SS18L2: variants seen among roughly 807,000 people sequenced by gnomAD.
The protein encoded by SS18L2 is SS18-like protein 2.
A neutral mutation model predicts 10.3 loss-of-function variants in SS18L2; 8 were observed. The observed-to-expected ratio is 0.78, with a 90% CI of 0.46 to 1.41. SS18L2 has a LOEUF of 1.41. Ranked by LOEUF, SS18L2 falls within the 40% of genes most tolerant of loss-of-function variation. The pLI is 0.00. For missense variants in SS18L2, 100 were observed against 96.2 expected (o/e 1.04, Z -0.17); for synonymous variants, 41 against 34.6 (o/e 1.19, Z -0.65).
intron 1 of SS18L2, among the ~76,000 whole-genome samples, chr3:42,583,557 G>A (rs145760115): frequency 1.1e-3 from 161 of 152,282 alleles, no homozygotes; most frequent in South Asian, 2.3e-3. Flanking sequence ...AGGATTTTGC[G>A]ATGATTAGTT....
chr3:42,596,657 T>C lies in SS18L2; in HGVS notation c.*2148T>C, dbSNP rs1288932143. On this transcript the variant is annotated 3_prime_UTR_variant, in exon 3 of 3. Coordinates refer to ENST00000011691, the MANE Select transcript of SS18L2 (RefSeq NM_001370300.1). ...CACCTTAATCACAGACCAAATTGCATACTTTTATCTTCGAATCATCTAAAA... is the reference window on the plus strand; with the variant it reads ...CACCTTAATCACAGACCAAATTGCACACTTTTATCTTCGAATCATCTAAAA... Among the ~76,000 whole-genome samples, 2 of 152,254 alleles carry C rather than the reference T, an allele frequency of 1.3e-5. No homozygotes were observed. The highest frequency in any genetic ancestry group is 1.9e-4 in the East Asian group (1 of 5,202).
At chr3:42,593,580 G>A (rs1704932600) in intron 2 of SS18L2, among the ~76,000 whole-genome samples, 1 of 152,030 alleles carries the variant, frequency 6.6e-6, no homozygotes, top group Non-Finnish European at 1.5e-5. Context: ...GGATACCAAG[G>A]GACAATTGTA....
chr3:42,594,783 C>G lies in SS18L2; in HGVS notation c.*274C>G. 3.6e-6 allele frequency: 1 copy of G among 279,636 alleles called. No individual in the cohort carries two copies. The highest frequency in any genetic ancestry group is 6.8e-6 in the Non-Finnish European group (1 of 146,922). 17.3% of individuals were successfully genotyped at this position (279,636 alleles called of 1,614,324 possible). A position where few individuals can be genotyped will look rare whatever the true frequency, so the allele number is the denominator to read the frequency against. On this transcript the variant is annotated 3_prime_UTR_variant, in exon 3 of 3. Transcript: ENST00000011691. ...CTGAACTTGGAGCATGTTTGGATAACAAAGACATCACTGGGATGTTCAAGT... is the reference window on the plus strand; with the variant it reads ...CTGAACTTGGAGCATGTTTGGATAAGAAAGACATCACTGGGATGTTCAAGT...
At chr3:42,590,663 C>T, upstream of SS18L2, 2 of 599,086 alleles carry the variant, frequency 3.3e-6, no homozygotes, top group South Asian at 2.0e-5. Flanking sequence ...CAGCCCCAAC[C>T]CACAAGTTTC....
intron 2 of SS18L2, among the ~76,000 whole-genome samples, 183 bp downstream of exon 2, chr3:42,591,784 A>G (rs1704857417): frequency 6.6e-6 from 1 of 152,200 alleles, no homozygotes; most frequent in African/African-American, 2.4e-5. Context: ...TACACTGCGG[A>G]GCCTGGAGTC....
intron 2 of SS18L2, 108 bp from the exon 3 acceptor site, chr3:42,594,314 C>T: frequency 1.3e-6 from 1 of 755,060 alleles, no homozygotes; most frequent in Non-Finnish European, 2.3e-6. Flanking sequence ...CTGAATCATC[C>T]AGTCAGTGGA....
intron 1 of SS18L2, among the ~76,000 whole-genome samples, chr3:42,583,515 A>G (rs1370694661): frequency 1.3e-5 from 2 of 152,204 alleles, no homozygotes; most frequent in Non-Finnish European, 2.9e-5. Flanking sequence ...ATCTTAGACA[A>G]GTTGAATTTG....
chr3:42,588,180 G>C (rs1704687708), upstream of SS18L2, among the ~76,000 whole-genome samples: 1 of 151,796 alleles, frequency 6.6e-6, no homozygotes, highest in African/African-American at 2.4e-5. Flanking sequence ...GAGGCAGACA[G>C]ATCATGAGGT....
At chr3:42,591,201 C>CTTTTTT (rs71616053) in intron 1 of SS18L2, 59,420 of 474,196 alleles carry the variant, frequency 0.13, 4,247 homozygotes, top group African/African-American at 0.29. Flanking sequence ...CCTTTCTCTC[C>CTTTTTT]TTTTTTTTTT....
chr3:42,583,207 A>G (rs563236397), intron 1 of SS18L2, among the ~76,000 whole-genome samples: 2 of 152,350 alleles, frequency 1.3e-5, no homozygotes, highest in Admixed American at 1.3e-4. Context: ...ATCAAAATGG[A>G]GAAGTCTCAA....
At position 42,591,507 on chromosome 3, in the gene SS18L2, C is replaced by A. The variant is rs1427951048; in HGVS notation, c.70-18C>A. On this transcript the variant is annotated intron_variant, in intron 1 of 2. Coordinates refer to ENST00000011691, the MANE Select transcript of SS18L2 (RefSeq NM_001370300.1). ...TGCGCCCGGCCTGCACTGACCCTTTCTTTCTCTGATCTTTCAGCTCCTTGA... is the reference window on the plus strand; with the variant it reads ...TGCGCCCGGCCTGCACTGACCCTTTATTTCTCTGATCTTTCAGCTCCTTGA... 1 of 1,608,422 alleles carries A rather than the reference C, an allele frequency of 6.2e-7. No individual in the cohort carries two copies. Among genetic ancestry groups the A allele is most frequent in the East Asian group, 2.2e-5 (1 of 44,850 alleles).
intron 2 of SS18L2, among the ~76,000 whole-genome samples, chr3:42,592,672 T>C (rs993927897): frequency 2.0e-5 from 3 of 152,208 alleles, no homozygotes; most frequent in African/African-American, 7.2e-5. Context: ...ATTTGGTAAT[T>C]TGATTTTTAA....
rs542750103 is a variant in SS18L2, at chr3:42,594,406, G to GT, written c.147-9dup. 121 of 1,603,950 alleles carry GT rather than the reference G, an allele frequency of 7.5e-5. No homozygotes were observed. The South Asian group carries it at 7.8e-4, about 10-fold the overall frequency. On this transcript the variant is annotated splice_polypyrimidine_tract_variant and intron_variant, in intron 2 of 2. Transcript: ENST00000011691. ...AAAAACAAGCCTCTGATTTTTGCCT[G>GT]TTTTTTTGCCCATAGGTACCAGCAT...
intron 1 of SS18L2, among the ~76,000 whole-genome samples, chr3:42,585,616 C>T (rs1317729084): frequency 6.6e-6 from 1 of 152,170 alleles, no homozygotes; most frequent in Non-Finnish European, 1.5e-5. Context: ...GGGTTTATCA[C>T]CTCCATCACA....
Position 42,594,426 on chromosome 3 carries a change from C to A in SS18L2, c.151C>A (p.Gln51Lys). 1 of 1,612,852 alleles carries A rather than the reference C, an allele frequency of 6.2e-7. No individual in the cohort carries two copies. Among genetic ancestry groups the A allele is most frequent in the African/African-American group, 1.3e-5 (1 of 74,978 alleles). The change falls in exon 3 of 3, where the codon CAG becomes AAG. Residue 51 changes from glutamine to lysine, a missense_variant. Transcript: ENST00000011691. The stretch of plus-strand genomic sequence containing the variant: ...TGCCTGTTTTTTTGCCCATAGGTAC[C>A]AGCATGTGTTACATAGAAATCTCAT... ...KGRGNECVQY[Q>K]HVLHRNLIYL...
upstream of SS18L2, among the ~76,000 whole-genome samples, chr3:42,589,591 C>T (rs1037467108): frequency 6.6e-6 from 1 of 152,196 alleles, no homozygotes; most frequent in South Asian, 2.1e-4. Context: ...CATTCTGCCC[C>T]CTCAGATCAG....
In SS18L2 at chr3:42,596,634, C is replaced by T. The variant is rs1266596985; in HGVS notation, c.*2125C>T. On this transcript the variant is annotated 3_prime_UTR_variant, in exon 3 of 3. Transcript: ENST00000011691. ...CTGCCTTGTCCCAGGAGTTTCTTCACCTTAATCACAGACCAAATTGCATAC... is the reference window on the plus strand; with the variant it reads ...CTGCCTTGTCCCAGGAGTTTCTTCATCTTAATCACAGACCAAATTGCATAC... 6.6e-6 allele frequency among the ~76,000 whole-genome samples: 1 copy of T among 152,182 alleles called. No individual in the cohort carries two copies. Among genetic ancestry groups the T allele is most frequent in the African/African-American group, 2.4e-5 (1 of 41,428 alleles).
upstream of SS18L2, among the ~76,000 whole-genome samples, chr3:42,588,067 G>A (rs1404385621): frequency 6.7e-6 from 1 of 149,400 alleles, no homozygotes; most frequent in East Asian, 2.0e-4. Context: ...GAGTGAAACT[G>A]TCTCAAAAAA....
At chr3:42,591,362 C>G in intron 1 of SS18L2, 163 bp from the exon 2 acceptor site, 2 of 610,018 alleles carry the variant, frequency 3.3e-6, no homozygotes, top group South Asian at 3.9e-5. Flanking sequence ...CCACTCCCGG[C>G]TAATTTTTGT....
Sources: gnomAD v4.1 joint callset for allele counts (sites outside exome capture counted in the v4.1 genomes callset) on GRCh38, gnomAD v4.1.1 for gene constraint, MANE v1.5 for transcripts, NCBI Gene and HGNC (gene_info 2026-07-23, HGNC 2026-07-21) for gene names.